The following COX17 variants were observed in gnomAD, a reference collection of about 807,000 sequenced individuals.
The protein encoded by COX17 is cytochrome c oxidase copper chaperone.
Under a neutral mutation model 6.3 loss-of-function variants are expected in COX17, and 1 was observed. The observed-to-expected ratio is 0.16, with a 90% CI of 0.06 to 0.75. The LOEUF (loss-of-function observed/expected upper bound fraction) is 0.75. COX17 is among the 30% of genes least tolerant of loss of function. The pLI, the probability that COX17 is intolerant of heterozygous loss-of-function variation, is 0.77. For synonymous variants in COX17, 26 were observed against 30.5 expected (o/e 0.85, Z 0.49); for missense variants, 73 against 81.2 (o/e 0.90, Z 0.39).
downstream of COX17, among the ~76,000 whole-genome samples, chr3:119,665,966 G>T (rs1209705553): frequency 6.6e-6 from 1 of 152,176 alleles, no homozygotes; most frequent in African/African-American, 2.4e-5. Context: ...ACTATGAGAG[G>T]AATTCCTCCA....
intron 1 of COX17, among the ~76,000 whole-genome samples, chr3:119,676,478 G>C (rs547369085): frequency 6.6e-6 from 1 of 152,340 alleles, no homozygotes; most frequent in Non-Finnish European, 1.5e-5. Flanking sequence ...CTCCACAAGA[G>C]AGGCTATATA....
At chr3:119,672,909 A>T (rs2053059356) in intron 2 of COX17, among the ~76,000 whole-genome samples, 1 of 152,228 alleles carries the variant, frequency 6.6e-6, no homozygotes, top group South Asian at 2.1e-4. Context: ...ACTGTTTTCC[A>T]TTACACAGTA....
At chr3:119,674,642 C>T (rs1476816898) in intron 2 of COX17, 2 of 153,636 alleles carry the variant, frequency 1.3e-5, no homozygotes, top group African/African-American at 4.8e-5. Context: ...AAAAACAACA[C>T]AAAAAATTAG....
chr3:119,667,512 T>C (rs1467204196), downstream of COX17, among the ~76,000 whole-genome samples: 1 of 152,178 alleles, frequency 6.6e-6, no homozygotes, highest in East Asian at 1.9e-4. Context: ...TGGATATATT[T>C]TTTCTAGAGA....
At chr3:119,669,869 C>T (rs1003464212) in intron 2 of COX17, among the ~76,000 whole-genome samples, 19 of 152,148 alleles carry the variant, frequency 1.2e-4, no homozygotes, top group African/African-American at 4.6e-4. Context: ...TGAAATTATT[C>T]ATGATATTAT....
At chr3:119,672,170 T>C (rs567565415) in intron 2 of COX17, among the ~76,000 whole-genome samples, 12 of 152,336 alleles carry the variant, frequency 7.9e-5, no homozygotes, top group Admixed American at 7.8e-4. Context: ...GGGCATGTAT[T>C]ATTGTCTCCA....
downstream of COX17, among the ~76,000 whole-genome samples, chr3:119,667,724 CACACAGAGAGAG>C (rs1171237801): frequency 1.2e-4 from 13 of 106,014 alleles, no homozygotes; most frequent in African/African-American, 4.3e-4. Flanking sequence ...CACACACACA[CACACAGAGAGAG>C]AGAGACAGAG....
chr3:119,665,199 C>T (rs561153220), downstream of COX17: 6 of 152,278 alleles, frequency 3.9e-5, no homozygotes, highest in East Asian at 7.7e-4. Flanking sequence ...AGAGGAAGTA[C>T]GTGGGGGAGC....
intron 2 of COX17, among the ~76,000 whole-genome samples, chr3:119,673,921 G>A (rs1394616529): frequency 2.0e-5 from 3 of 152,082 alleles, no homozygotes; most frequent in Admixed American, 1.3e-4. Flanking sequence ...TGGGAAGTGA[G>A]GAGTACCTCT....
At chr3:119,669,873 A>G (rs1275767709) in intron 2 of COX17, among the ~76,000 whole-genome samples, 1 of 152,112 alleles carries the variant, frequency 6.6e-6, no homozygotes, top group Non-Finnish European at 1.5e-5. Flanking sequence ...ATTATTCATG[A>G]TATTATTTAC....
At chr3:119,671,117 T>C (rs2053039288) in intron 2 of COX17, among the ~76,000 whole-genome samples, 1 of 152,250 alleles carries the variant, frequency 6.6e-6, no homozygotes, top group African/African-American at 2.4e-5. Context: ...TCAGATACTT[T>C]ATGCCTAGCA....
chr3:119,676,778 C>T (rs1280987964), intron 1 of COX17: 4 of 698,238 alleles, frequency 5.7e-6, no homozygotes, highest in East Asian at 5.4e-5. Flanking sequence ...ACTTTAAGCT[C>T]CTTTATATCA....
intron 1 of COX17, chr3:119,676,758 G>A: frequency 1.4e-6 from 1 of 692,294 alleles, no homozygotes; most frequent in Non-Finnish European, 2.6e-6. Flanking sequence ...ACTGGTTTAT[G>A]TCTCCATTAA....
At chr3:119,670,485 C>T (rs1364496011) in intron 2 of COX17, among the ~76,000 whole-genome samples, 2 of 152,130 alleles carry the variant, frequency 1.3e-5, no homozygotes, top group African/African-American at 2.4e-5. Flanking sequence ...AAAACGAAGC[C>T]ATTCAACCTT....
downstream of COX17, chr3:119,665,321 T>C (rs2052984328): frequency 6.6e-6 from 1 of 152,196 alleles, no homozygotes; most frequent in South Asian, 2.1e-4. Context: ...AGATAGGATA[T>C]GCCTAAGGAT....
At chr3:119,674,146 T>C (rs1360979387) in intron 2 of COX17, among the ~76,000 whole-genome samples, 2 of 150,248 alleles carry the variant, frequency 1.3e-5, no homozygotes, top group Admixed American at 6.6e-5. Flanking sequence ...CGCCCCACCG[T>C]CTGGGAAGTG....
At chr3:119,674,409 G>C (rs1404829347) in intron 2 of COX17, 1 of 152,106 alleles carries the variant, frequency 6.6e-6, no homozygotes, top group Non-Finnish European at 1.5e-5. Context: ...AAAATGGCCT[G>C]AGGCTTTAGT....
intron 2 of COX17, 102 bp downstream of exon 2, chr3:119,675,043 A>T: frequency 2.5e-6 from 2 of 791,714 alleles, no homozygotes; most frequent in Non-Finnish European, 4.3e-6. Flanking sequence ...ATTGATACTT[A>T]AGCATTTTAG....
At position 119,675,205 on chromosome 3, in the gene COX17, C is replaced by T; in HGVS notation, c.136G>A (p.Gly46Arg). ...CIIEKGEEHC[G>R]HLIEAHKECM... ...TCCTTGTGGGCCTCAATTAGATGTC[C>T]ACAGTGTTCTTCTCCTTTCTCGATG... is the stretch of plus-strand genomic sequence containing the variant. Residue 46 changes from glycine (G) to arginine (R), a missense_variant, in exon 2 of 3, where the codon GGA (glycine) becomes AGA (arginine). Physicochemically the swap from Gly to Arg is moderately radical, Grantham distance 125. Transcript: ENST00000261070. 6.2e-7 allele frequency: 1 copy of T among 1,613,086 alleles called. No homozygotes were observed.
Sources: gnomAD v4.1 joint callset for allele counts (sites outside exome capture counted in the v4.1 genomes callset) on GRCh38, gnomAD v4.1.1 for gene constraint, MANE v1.5 for transcripts, NCBI Gene and HGNC (gene_info 2026-07-23, HGNC 2026-07-21) for gene names.